Variants in RBFOX1 observed in about 807,000 individuals in gnomAD.
RBFOX1 encodes the protein RNA binding protein fox-1 homolog 1.
Under a neutral mutation model 57.7 loss-of-function variants are expected in RBFOX1, and 8 were observed. That is an observed-to-expected ratio of 0.14 (90% confidence interval 0.08 to 0.25). The LOEUF (loss-of-function observed/expected upper bound fraction) is 0.25. RBFOX1 is among the 10% of genes least tolerant of loss of function. The pLI, the probability that RBFOX1 is intolerant of heterozygous loss-of-function variation, is 1.00. For missense variants in RBFOX1, 611 were observed against 548.5 expected, an observed-to-expected ratio of 1.11 and a Z score of -1.14; for synonymous variants, 326 against 222.4, an observed-to-expected ratio of 1.47 and a Z score of -4.15.
chr16:6,958,402 C>T lies in RBFOX1; in HGVS notation c.-15-93655C>T, dbSNP rs547540181. Among the ~76,000 whole-genome samples the T allele has an allele frequency of 1.4e-4, 22 of 152,284 alleles. 1 individual carries two copies. Among genetic ancestry groups the T allele is most frequent in the African/African-American group, 4.8e-4 (20 of 41,556 alleles). On this transcript the variant is annotated intron_variant, in intron 3 of 15. Coordinates refer to ENST00000550418, the MANE Select transcript of RBFOX1 (RefSeq NM_018723.4). ...AGATGGAGTCAGCATATTTCCCCCC[C>T]TTTTTATGATCGGGTATCATTAATA...
intron 4 of RBFOX1, among the ~76,000 whole-genome samples, chr16:7,197,998 C>CTTTTTTTTTTTTT (rs945404947): frequency 2.0e-4 from 11 of 55,600 alleles, no homozygotes; most frequent in African/African-American, 6.6e-4. Flanking sequence ...TTCTTTCTTT[C>CTTTTTTTTTTTTT]TTTTTTTTTT....
intron 4 of RBFOX1, among the ~76,000 whole-genome samples, chr16:7,089,411 A>G (rs890641810): frequency 1.9e-5 from 2 of 105,010 alleles, no homozygotes; most frequent in Non-Finnish European, 3.7e-5. Context: ...AAGCATTAAA[A>G]AAAAGTAGTC....
chr16:6,758,518 A>G (rs564257705), intron 3 of RBFOX1, among the ~76,000 whole-genome samples: 2 of 152,234 alleles, frequency 1.3e-5, no homozygotes, highest in Admixed American at 6.5e-5. Context: ...CCTAGAATAC[A>G]TTAGAGCAAT....
chr16:5,961,489 AAAC>A (rs769415300), intron 4 of RBFOX1, among the ~76,000 whole-genome samples: 2,537 of 151,286 alleles, frequency 0.017, 25 homozygotes, highest in Non-Finnish European at 0.028. Flanking sequence ...AAAAAAAACA[AAAC>A]AAAACAAAAC....
chr16:7,164,012 G>A (rs1053935888), intron 4 of RBFOX1, among the ~76,000 whole-genome samples: 1 of 152,070 alleles, frequency 6.6e-6, no homozygotes, highest in African/African-American at 2.4e-5. Context: ...GAGGTGTTTG[G>A]TTACACGAAT....
At chr16:5,649,947 C>T (rs1319016761) in intron 3 of RBFOX1, among the ~76,000 whole-genome samples, 1 of 152,186 alleles carries the variant, frequency 6.6e-6, no homozygotes, top group Non-Finnish European at 1.5e-5. Flanking sequence ...CAAGAATCGC[C>T]TCCCGGTGGA....
intron 4 of RBFOX1, among the ~76,000 whole-genome samples, chr16:5,966,985 C>G (rs1157560796): frequency 1.8e-5 from 1 of 55,248 alleles, no homozygotes; most frequent in Non-Finnish European, 3.6e-5. Flanking sequence ...CTTTCTTGCA[C>G]TAAATCGGGG....
intron 5 of RBFOX1, among the ~76,000 whole-genome samples, chr16:7,536,453 G>C (rs1016454327): frequency 2.0e-5 from 3 of 152,158 alleles, no homozygotes; most frequent in Non-Finnish European, 2.9e-5. Flanking sequence ...AATTAGCCAG[G>C]TGTGGTGCTG....
chr16:6,940,763 A>AGTGTGT (rs61349150), intron 3 of RBFOX1, among the ~76,000 whole-genome samples: 4,466 of 114,216 alleles, frequency 0.039, 155 homozygotes, highest in Non-Finnish European at 0.055. Context: ...ATGTCCCGCT[A>AGTGTGT]GTGTGTGTGT....
chr16:7,679,830 A>G (rs2074286230), intron 14 of RBFOX1, among the ~76,000 whole-genome samples: 2 of 152,224 alleles, frequency 1.3e-5, no homozygotes, highest in South Asian at 2.1e-4. Flanking sequence ...TGGTGTGGGC[A>G]GAGATTTCCC....
chr16:6,188,781 A>G (rs1567641388), intron 1 of RBFOX1, among the ~76,000 whole-genome samples: 1 of 152,208 alleles, frequency 6.6e-6, no homozygotes. Context: ...GCAAATGAAA[A>G]TGTCCCAAAC....
chr16:5,712,026 C>A (rs909799074), intron 3 of RBFOX1, among the ~76,000 whole-genome samples: 2 of 152,122 alleles, frequency 1.3e-5, no homozygotes, highest in Non-Finnish European at 2.9e-5. Context: ...AGGAAACTTA[C>A]AATTATGATG....
chr16:7,191,352 A>C (rs1291069379), intron 4 of RBFOX1, among the ~76,000 whole-genome samples: 3 of 148,062 alleles, frequency 2.0e-5, no homozygotes, highest in African/African-American at 5.0e-5. Flanking sequence ...AAAAAAAAAA[A>C]CAGCACATTG....
At chr16:6,519,311 A>G (rs2096455157) in intron 2 of RBFOX1, among the ~76,000 whole-genome samples, 1 of 152,168 alleles carries the variant, frequency 6.6e-6, no homozygotes, top group South Asian at 2.1e-4. Context: ...ATTGTGTTGC[A>G]TTGTCATTGC....
chr16:6,224,556 T>C (rs1269706871), intron 1 of RBFOX1, among the ~76,000 whole-genome samples: 1 of 152,174 alleles, frequency 6.6e-6, no homozygotes, highest in Non-Finnish European at 1.5e-5. Flanking sequence ...TTAAAGTCAC[T>C]GCAGTTGGTG....
chr16:6,623,716 T>G (rs1601833323), intron 2 of RBFOX1, among the ~76,000 whole-genome samples: 1 of 152,216 alleles, frequency 6.6e-6, no homozygotes, highest in East Asian at 1.9e-4. Context: ...GTCCTTGCGA[T>G]AGTTTGCTGA....
chr16:6,908,005 G>C (rs895370731), intron 3 of RBFOX1, among the ~76,000 whole-genome samples: 1 of 151,674 alleles, frequency 6.6e-6, no homozygotes, highest in Non-Finnish European at 1.5e-5. Context: ...TTCCCTTTTA[G>C]TGAGGACATG....
intron 4 of RBFOX1, among the ~76,000 whole-genome samples, chr16:7,396,623 A>G (rs1318709174): frequency 6.6e-6 from 1 of 152,172 alleles, no homozygotes; most frequent in Non-Finnish European, 1.5e-5. Flanking sequence ...CTGTCAATGG[A>G]AATAAGGACA....
intron 4 of RBFOX1, among the ~76,000 whole-genome samples, chr16:7,227,306 A>G (rs929768412): frequency 5.2e-5 from 4 of 77,346 alleles, no homozygotes; most frequent in Non-Finnish European, 9.8e-5. Context: ...ACACACACAC[A>G]CAGCAAGGGA....
Sources: gnomAD v4.1 joint callset for allele counts (sites outside exome capture counted in the v4.1 genomes callset) on GRCh38, gnomAD v4.1.1 for gene constraint, MANE v1.5 for transcripts, NCBI Gene and HGNC (gene_info 2026-07-23, HGNC 2026-07-21) for gene names.